The following TGFA variants were observed in gnomAD, a reference collection of about 807,000 sequenced individuals.
TGFA encodes protransforming growth factor alpha.
In TGFA, 12 loss-of-function variants were observed where a neutral mutation model predicts 21.7. That is an observed-to-expected ratio of 0.55 (90% CI 0.35 to 0.90). The LOEUF (loss-of-function observed/expected upper bound fraction) is 0.90, where lower values mean the gene tolerates loss of function less well. Among genes scored for constraint, TGFA ranks in the 40% least tolerant of loss-of-function variants. TGFA has a pLI of 0.01. For missense variants in TGFA, 178 were observed against 210.8 expected, an observed-to-expected ratio of 0.84 and a Z score of 0.96; for synonymous variants, 79 against 88.1, an observed-to-expected ratio of 0.90 and a Z score of 0.58.
chr2:70,518,364 T>G (rs538855914), intron 1 of TGFA, among the ~76,000 whole-genome samples: 1 of 152,356 alleles, frequency 6.6e-6, no homozygotes, highest in African/African-American at 2.4e-5. Context: ...TATGAAAGGC[T>G]GATCCTGTGT....
intron 2 of TGFA, among the ~76,000 whole-genome samples, chr2:70,493,795 G>T (rs1553497997): frequency 2.6e-5 from 4 of 152,234 alleles, no homozygotes; most frequent in Non-Finnish European, 2.9e-5. Flanking sequence ...GAGCTCTAAA[G>T]AGGTGACTTC....
At chr2:70,498,051 T>A (rs564265070) in intron 2 of TGFA, among the ~76,000 whole-genome samples, 67 of 152,348 alleles carry the variant, frequency 4.4e-4, no homozygotes, top group African/African-American at 1.6e-3. Flanking sequence ...TGGTACAATT[T>A]CCAGTTTACA....
At chr2:70,487,280 C>G (rs1553496862) in intron 2 of TGFA, among the ~76,000 whole-genome samples, 2 of 152,196 alleles carry the variant, frequency 1.3e-5, no homozygotes, top group East Asian at 3.8e-4. Flanking sequence ...ATGAACACTT[C>G]CCCAACTCAA....
chr2:70,519,370 T>C (rs930144264), intron 1 of TGFA, among the ~76,000 whole-genome samples: 3 of 152,240 alleles, frequency 2.0e-5, no homozygotes, highest in Non-Finnish European at 4.4e-5. Context: ...TTATGAATTA[T>C]ATCCCAACAT....
chr2:70,543,744 C>T (rs1673206128), intron 1 of TGFA, among the ~76,000 whole-genome samples: 1 of 152,090 alleles, frequency 6.6e-6, no homozygotes, highest in Non-Finnish European at 1.5e-5. Flanking sequence ...AGCTTCTTAG[C>T]AATTTCTTTC....
intron 2 of TGFA, among the ~76,000 whole-genome samples, chr2:70,510,409 C>G (rs141101405): frequency 2.6e-5 from 4 of 152,314 alleles, no homozygotes; most frequent in African/African-American, 9.6e-5. Context: ...ACCCTCCCCA[C>G]CCTGGCTCTC....
At chr2:70,472,900 A>G (rs2103725378) in intron 2 of TGFA, among the ~76,000 whole-genome samples, 1 of 152,372 alleles carries the variant, frequency 6.6e-6, no homozygotes, top group Middle Eastern at 3.4e-3. Flanking sequence ...TTTTAGTAGG[A>G]ACTTTCAGCC....
At chr2:70,451,126 G>T (rs11466275) in intron 5 of TGFA, among the ~76,000 whole-genome samples, 1 of 152,198 alleles carries the variant, frequency 6.6e-6, no homozygotes, top group East Asian at 1.9e-4. Context: ...AGGCAGATGG[G>T]GGGGAGCGGG....
intron 1 of TGFA, among the ~76,000 whole-genome samples, chr2:70,523,274 C>G (rs1672532554): frequency 1.3e-5 from 2 of 152,144 alleles, no homozygotes. Context: ...GAGGCCTGGC[C>G]ATATCCCAAG....
chr2:70,539,192 C>T (rs782413780), intron 1 of TGFA, among the ~76,000 whole-genome samples: 4 of 152,134 alleles, frequency 2.6e-5, no homozygotes, highest in East Asian at 1.9e-4. Context: ...CTTTTATATG[C>T]ACCGGGAAAC....
intron 2 of TGFA, among the ~76,000 whole-genome samples, chr2:70,495,149 A>C (rs1671541687): frequency 1.3e-5 from 2 of 152,204 alleles, no homozygotes; most frequent in Admixed American, 1.3e-4. Context: ...TTAAATGTTT[A>C]ACCTACCATC....
intron 2 of TGFA, among the ~76,000 whole-genome samples, chr2:70,483,579 A>G (rs1671190744): frequency 6.6e-6 from 1 of 152,236 alleles, no homozygotes; most frequent in Non-Finnish European, 1.5e-5. Flanking sequence ...AAAATATAAA[A>G]GCAAAATTAT....
intron 2 of TGFA, among the ~76,000 whole-genome samples, chr2:70,511,932 T>C (rs1281391088): frequency 5.3e-5 from 7 of 131,210 alleles, no homozygotes; most frequent in Admixed American, 3.7e-4. Flanking sequence ...CACACACACT[T>C]GCTACAATGA....
At chr2:70,475,003 T>TGTGG (rs1670880184) in intron 2 of TGFA, among the ~76,000 whole-genome samples, 1 of 147,922 alleles carries the variant, frequency 6.8e-6, no homozygotes, top group Admixed American at 6.7e-5. Context: ...TGTGTGTGTG[T>TGTGG]GTACTGGGAA....
In TGFA at chr2:70,514,866, C is replaced by T. The variant is rs781903309; in HGVS notation, c.87G>A (p.Pro29=). The change falls in exon 2 of 6, where the codon CCG becomes CCA. Residue 29 remains proline (P), a synonymous_variant. Transcript: ENST00000295400. ...ACQALENSTS[P]LSADPPVAAA... ...CACGGCAGCTGCACTCACCACTCAG[C>T]GGGGACGTGCTGTTCTCCAAGGCCT... is the stretch of plus-strand genomic sequence containing the variant. 4.3e-5 allele frequency: 70 copies of T among 1,613,932 alleles called. No homozygotes were observed. Among genetic ancestry groups the T allele is most frequent in the Middle Eastern group, 1.7e-4 (1 of 6,042 alleles).
At chr2:70,499,140 C>T (rs1574106065) in intron 2 of TGFA, among the ~76,000 whole-genome samples, 1 of 152,224 alleles carries the variant, frequency 6.6e-6, no homozygotes, top group East Asian at 1.9e-4. Flanking sequence ...TCCCCAGGCC[C>T]TACCTCTGAG....
chr2:70,462,942 C>A (rs1553491633), intron 3 of TGFA, among the ~76,000 whole-genome samples: 1 of 152,094 alleles, frequency 6.6e-6, no homozygotes, highest in Non-Finnish European at 1.5e-5. Context: ...TTGGGGATGA[C>A]CCTGGCCTTT....
rs1669917713 is a variant in TGFA at position 70,447,553 on chromosome 2, G to A, written c.*3306C>T. On this transcript the variant is annotated 3_prime_UTR_variant, in exon 6 of 6. Transcript: ENST00000295400. ...TCAGAGTAAGGAGTTCTAAAAAAAAGCATCAGGTTTATTATAATAAAGATA... is the reference window on the plus strand; with the variant it reads ...TCAGAGTAAGGAGTTCTAAAAAAAAACATCAGGTTTATTATAATAAAGATA... 6.6e-6 allele frequency: 1 copy of A among 152,120 alleles called. No homozygotes were observed. The highest frequency in any genetic ancestry group is 6.6e-5 in the Admixed American group (1 of 15,234). The allele number at this position is 152,120 out of a possible 1,614,324, so 9.4% of individuals were successfully genotyped here.
chr2:70,545,693 A>C (rs968694501), intron 1 of TGFA, among the ~76,000 whole-genome samples: 1 of 152,214 alleles, frequency 6.6e-6, no homozygotes, highest in Admixed American at 6.5e-5. Context: ...TGGAATAAGA[A>C]AAGGTTTTCC....
Sources: allele counts gnomAD v4.1 joint callset (sites outside exome capture counted in the v4.1 genomes callset), GRCh38; gene constraint gnomAD v4.1.1; transcripts MANE v1.5; gene names NCBI Gene and HGNC (gene_info 2026-07-23, HGNC 2026-07-21).